The following LRRC8D variants were observed in gnomAD, a reference collection of about 807,000 sequenced individuals.
The protein encoded by LRRC8D is leucine rich repeat containing 8 VRAC subunit D.
In LRRC8D, 20 loss-of-function variants were observed where a neutral mutation model predicts 55.8. That is an observed-to-expected ratio of 0.36 (90% CI 0.25 to 0.52). The LOEUF is 0.52. Among genes scored for constraint, LRRC8D ranks in the 20% least tolerant of loss-of-function variants. The probability of loss-of-function intolerance (pLI) is 0.93; values close to 1 mark genes in which losing one functional copy is unlikely to be tolerated. For missense variants in LRRC8D, 651 were observed against 1,030.8 expected (o/e 0.63, Z 5.05); for synonymous variants, 352 against 377.0 (o/e 0.93, Z 0.77).
intron 2 of LRRC8D, among the ~76,000 whole-genome samples, chr1:89,908,621 T>A (rs563644319): frequency 6.6e-6 from 1 of 152,334 alleles, no homozygotes; most frequent in Non-Finnish European, 1.5e-5. Flanking sequence ...ACCAGTTATG[T>A]ATGTGTGTTG....
chr1:89,831,818 A>C (rs1044509155), intron 1 of LRRC8D, among the ~76,000 whole-genome samples: 1 of 152,192 alleles, frequency 6.6e-6, no homozygotes, highest in Non-Finnish European at 1.5e-5. Flanking sequence ...GCAAAAAGTA[A>C]ACCAAGAATG....
chr1:89,843,426 G>T, intron 1 of LRRC8D: 1 of 354,924 alleles, frequency 2.8e-6, no homozygotes, highest in Non-Finnish European at 5.0e-6. Flanking sequence ...CACCAGCAGG[G>T]GGGGCCCGGG....
intron 2 of LRRC8D, among the ~76,000 whole-genome samples, chr1:89,854,785 C>T (rs1661510357): frequency 6.6e-6 from 1 of 152,174 alleles, no homozygotes; most frequent in African/African-American, 2.4e-5. Flanking sequence ...GGGAAGTTGA[C>T]AGCATGAACA....
intron 2 of LRRC8D, among the ~76,000 whole-genome samples, chr1:89,924,754 G>A (rs950223959): frequency 1.4e-4 from 22 of 152,158 alleles, no homozygotes; most frequent in Admixed American, 9.2e-4. Flanking sequence ...AATATATCAT[G>A]TTTTTTGCAG....
intron 1 of LRRC8D, chr1:89,822,184 A>G (rs1423298270): frequency 6.5e-6 from 1 of 152,734 alleles, no homozygotes; most frequent in Non-Finnish European, 1.5e-5. Context: ...AGGGGAAGAG[A>G]GGTAGGTCCT....
intron 2 of LRRC8D, among the ~76,000 whole-genome samples, chr1:89,916,079 G>A (rs1289703429): frequency 1.3e-5 from 2 of 152,168 alleles, no homozygotes; most frequent in Non-Finnish European, 2.9e-5. Context: ...GCTCAATTGC[G>A]ATTCAGTCCT....
At chr1:89,854,788 C>T (rs1661510432) in intron 2 of LRRC8D, among the ~76,000 whole-genome samples, 1 of 152,146 alleles carries the variant, frequency 6.6e-6, no homozygotes. Context: ...AAGTTGACAG[C>T]ATGAACAGCA....
chr1:89,861,830 C>T (rs1475754716), intron 2 of LRRC8D, among the ~76,000 whole-genome samples: 2 of 152,136 alleles, frequency 1.3e-5, no homozygotes, highest in East Asian at 1.9e-4. Flanking sequence ...TTTTCTTCAT[C>T]TAAGTTTCTG....
At chr1:89,918,224 G>A (rs1663322291) in intron 2 of LRRC8D, among the ~76,000 whole-genome samples, 1 of 152,184 alleles carries the variant, frequency 6.6e-6, no homozygotes, top group South Asian at 2.1e-4. Flanking sequence ...CTCAGTACCA[G>A]GTGGTAAAGA....
chr1:89,909,224 G>T (rs1392526642), intron 2 of LRRC8D, among the ~76,000 whole-genome samples: 1 of 152,072 alleles, frequency 6.6e-6, no homozygotes, highest in Non-Finnish European at 1.5e-5. Flanking sequence ...TATATCTGTG[G>T]TATTACTATC....
intron 2 of LRRC8D, among the ~76,000 whole-genome samples, chr1:89,880,031 T>G (rs987409124): frequency 6.6e-6 from 1 of 151,978 alleles, no homozygotes; most frequent in Non-Finnish European, 1.5e-5. Flanking sequence ...GGATAATAAT[T>G]ATTAACATTT....
intron 1 of LRRC8D, among the ~76,000 whole-genome samples, chr1:89,828,498 C>G (rs575176960): frequency 6.6e-6 from 1 of 152,270 alleles, no homozygotes; most frequent in African/African-American, 2.4e-5. Context: ...GGTTGTCCTT[C>G]CTACTGGAAG....
intron 1 of LRRC8D, among the ~76,000 whole-genome samples, chr1:89,842,086 G>A (rs1005526465): frequency 5.3e-5 from 8 of 151,906 alleles, no homozygotes; most frequent in Admixed American, 5.2e-4. Context: ...GGTGGCGTGT[G>A]CCTGTAGTTT....
intron 2 of LRRC8D, among the ~76,000 whole-genome samples, chr1:89,886,931 T>C (rs1193913403): frequency 6.6e-6 from 1 of 152,180 alleles, no homozygotes; most frequent in Non-Finnish European, 1.5e-5. Context: ...ATTTTTAAAA[T>C]GGGGCATTTT....
rs552944524 is a variant in LRRC8D, at chr1:89,888,649, A to T, written c.-2-44418A>T. On this transcript the variant is annotated intron_variant, in intron 2 of 2. Coordinates refer to ENST00000337338, the MANE Select transcript of LRRC8D (RefSeq NM_001134479.2). Reference sequence around the variant, plus strand: ...AGCCACCAGGTCTCCTGGCCGAATGACAGATTCCAGATTCTAGAGCGGGGG... The same window carrying T: ...AGCCACCAGGTCTCCTGGCCGAATGTCAGATTCCAGATTCTAGAGCGGGGG... 5.3e-5 allele frequency among the ~76,000 whole-genome samples: 8 copies of T among 152,300 alleles called. No homozygotes were observed. The South Asian group carries it at 1.5e-3, about 28-fold the overall frequency.
chr1:89,827,927 G>A (rs987270269), intron 1 of LRRC8D, among the ~76,000 whole-genome samples: 4 of 152,202 alleles, frequency 2.6e-5, no homozygotes, highest in Non-Finnish European at 5.9e-5. Flanking sequence ...GCTGGCATCA[G>A]AATCAGTCTG....
chr1:89,862,667 A>C (rs146307686), intron 2 of LRRC8D, among the ~76,000 whole-genome samples: 4 of 152,324 alleles, frequency 2.6e-5, no homozygotes, highest in Non-Finnish European at 5.9e-5. Flanking sequence ...TGAAATGCTT[A>C]AACAACTTGT....
At chr1:89,828,634 A>G (rs1660817378) in intron 1 of LRRC8D, among the ~76,000 whole-genome samples, 1 of 152,156 alleles carries the variant, frequency 6.6e-6, no homozygotes, top group Non-Finnish European at 1.5e-5. Flanking sequence ...TGTGAAATCA[A>G]AAGTCTGGGA....
chr1:89,889,456 T>C (rs771741329), intron 2 of LRRC8D, among the ~76,000 whole-genome samples: 3 of 152,062 alleles, frequency 2.0e-5, no homozygotes, highest in Non-Finnish European at 2.9e-5. Flanking sequence ...GTGGATAATA[T>C]ATTTTTATTG....
Sources: allele counts gnomAD v4.1 joint callset (sites outside exome capture counted in the v4.1 genomes callset), GRCh38; gene constraint gnomAD v4.1.1; transcripts MANE v1.5; gene names NCBI Gene and HGNC (gene_info 2026-07-23, HGNC 2026-07-21).